UGT2A2: variants seen among roughly 807,000 people sequenced by gnomAD.
The protein encoded by UGT2A2 is UDP glucuronosyltransferase family 2 member A2, also known as UDP-glucuronosyltransferase 2A2.
UGT2A2 carries 60 observed loss-of-function variants against 50.7 expected under a neutral mutation model. The observed-to-expected ratio is 1.18, with a 90% confidence interval of 0.96 to 1.47. UGT2A2 has a LOEUF of 1.47. Ranked by LOEUF, UGT2A2 falls within the 40% of genes most tolerant of loss-of-function variation. The pLI is 0.00. For synonymous variants in UGT2A2, 242 were observed against 214.6 expected, an observed-to-expected ratio of 1.13 and a Z score of -1.11; for missense variants, 762 against 634.0, an observed-to-expected ratio of 1.20 and a Z score of -2.17.
At chr4:69,602,279 A>G (rs1463739188) in intron 1 of UGT2A2, among the ~76,000 whole-genome samples, 2 of 137,154 alleles carry the variant, frequency 1.5e-5, no homozygotes, top group African/African-American at 5.9e-5. Flanking sequence ...ATTTCTTTAC[A>G]CCAACAAAGG....
intron 1 of UGT2A2, among the ~76,000 whole-genome samples, chr4:69,604,871 C>A (rs1719511563): frequency 7.3e-6 from 1 of 136,994 alleles, no homozygotes; most frequent in African/African-American, 3.0e-5. Context: ...GAAGAGCTAG[C>A]TGTCCTAAAT....
intron 5 of UGT2A2, 135 bp from the exon 6 acceptor site, chr4:69,589,786 T>G: frequency 4.6e-6 from 6 of 1,308,576 alleles, no homozygotes; most frequent in Admixed American, 2.8e-5. Flanking sequence ...TTGCATGAAC[T>G]TTGTTAGTTG....
At chr4:69,615,773 G>A (rs375214390) in intron 1 of UGT2A2, among the ~76,000 whole-genome samples, 13 of 152,080 alleles carry the variant, frequency 8.5e-5, no homozygotes, top group African/African-American at 3.1e-4. Flanking sequence ...TGCTGGTGAG[G>A]ATATGGAAAA....
At chr4:69,609,471 C>A (rs1360360630) in intron 1 of UGT2A2, among the ~76,000 whole-genome samples, 1 of 152,094 alleles carries the variant, frequency 6.6e-6, no homozygotes, top group African/African-American at 2.4e-5. Flanking sequence ...GCTGGGATTA[C>A]AGGTGTAGCA....
chr4:69,606,421 C>T (rs77986248), intron 1 of UGT2A2, among the ~76,000 whole-genome samples: 24,417 of 135,206 alleles, frequency 0.18, 5,779 homozygotes, highest in Non-Finnish European at 0.22. Context: ...TGGGATGTAT[C>T]TCAAAATAAT....
chr4:69,628,490 C>T (rs1721213471), intron 1 of UGT2A2, among the ~76,000 whole-genome samples: 2 of 151,424 alleles, frequency 1.3e-5, no homozygotes, highest in South Asian at 2.1e-4. Context: ...CAAGAATATA[C>T]GATGAACAAA....
intron 1 of UGT2A2, among the ~76,000 whole-genome samples, chr4:69,634,251 CAAACA>C (rs144302533): frequency 7.3e-5 from 11 of 151,464 alleles, no homozygotes; most frequent in East Asian, 1.9e-4. Context: ...TCTCAAAAAT[CAAACA>C]AAACAAAACA....
At chr4:69,599,479 TA>T (rs1719132007) in intron 1 of UGT2A2, 85 bp from the exon 2 acceptor site, 2 of 1,565,320 alleles carry the variant, frequency 1.3e-6, no homozygotes, top group African/African-American at 2.8e-5. Flanking sequence ...AATTTCCTGA[TA>T]AGCTGTTAAG....
intron 1 of UGT2A2, among the ~76,000 whole-genome samples, chr4:69,607,218 G>GC (rs1553904403): frequency 2.0e-5 from 3 of 150,124 alleles, no homozygotes; most frequent in Non-Finnish European, 3.0e-5. Flanking sequence ...TACCAAAACA[G>GC]AGATAAAGAC....
intron 1 of UGT2A2, among the ~76,000 whole-genome samples, chr4:69,621,269 C>T (rs946316949): frequency 2.6e-5 from 4 of 151,880 alleles, no homozygotes; most frequent in African/African-American, 4.8e-5. Flanking sequence ...ATCTAATATC[C>T]AGTATTTACA....
chr4:69,623,769 A>G (rs1236554401), intron 1 of UGT2A2, among the ~76,000 whole-genome samples: 2 of 151,494 alleles, frequency 1.3e-5, no homozygotes, highest in African/African-American at 2.4e-5. Flanking sequence ...TAATTTAAAT[A>G]AAACCTTTGA....
intron 1 of UGT2A2, among the ~76,000 whole-genome samples, chr4:69,614,494 CA>C (rs796069861): frequency 3.4e-4 from 51 of 151,904 alleles, no homozygotes; most frequent in African/African-American, 1.2e-3. Flanking sequence ...TATGGAACCA[CA>C]AAAGACCAGA....
chr4:69,601,396 T>C (rs1719286288), intron 1 of UGT2A2, among the ~76,000 whole-genome samples: 1 of 151,920 alleles, frequency 6.6e-6, no homozygotes, highest in South Asian at 2.1e-4. Flanking sequence ...CCCCCCGGAG[T>C]ACTACTCCTG....
At chr4:69,594,770 CA>C (rs2109880755) in intron 4 of UGT2A2, 74 bp from the exon 5 acceptor site, 2 of 1,494,498 alleles carry the variant, frequency 1.3e-6, no homozygotes, top group Non-Finnish European at 1.8e-6. Flanking sequence ...CAGAAGGGGT[CA>C]AAAAGCTGTA....
intron 1 of UGT2A2, among the ~76,000 whole-genome samples, chr4:69,623,197 A>G (rs979520225): frequency 7.2e-5 from 11 of 151,824 alleles, no homozygotes; most frequent in African/African-American, 2.7e-4. Context: ...ATTCATCAAA[A>G]ATGAAAATCG....
intron 1 of UGT2A2, among the ~76,000 whole-genome samples, chr4:69,622,782 A>G (rs1720825471): frequency 6.6e-6 from 1 of 151,758 alleles, no homozygotes; most frequent in African/African-American, 2.4e-5. Flanking sequence ...TAGGGTCAAC[A>G]GGAATATAGA....
chr4:69,594,344 A>G, intron 5 of UGT2A2, 133 bp downstream of exon 5: 2 of 1,228,200 alleles, frequency 1.6e-6, no homozygotes, highest in Non-Finnish European at 2.2e-6. Flanking sequence ...TGGCAAATAA[A>G]ATAGTTTTTA....
chr4:69,639,245 T>C lies in UGT2A2; in HGVS notation c.396A>G (p.Ile132Met). 3.7e-6 allele frequency: 6 copies of C among 1,613,652 alleles called. No homozygotes were observed. The highest frequency in any genetic ancestry group is 5.1e-6 in the Non-Finnish European group (6 of 1,179,736). The change falls in exon 1 of 6, where the codon ATA (isoleucine) becomes ATG (methionine). Residue 132 changes from isoleucine to methionine, a missense_variant. By Grantham distance (10) the Ile-to-Met change is conservative. Coordinates refer to ENST00000604629, the MANE Select transcript of UGT2A2 (RefSeq NM_001105677.2). The stretch of plus-strand genomic sequence containing the variant: ...TCTTTAGTACACCATCACAGAGTTG[T>C]ATGTTAATTTGAAAGAAAGTGTCTA... ...KLLDTFFQINIQLCDGVLKNP... is the reference protein window; with the variant it reads ...KLLDTFFQINMQLCDGVLKNP...
intron 1 of UGT2A2, among the ~76,000 whole-genome samples, chr4:69,613,169 CATA>C (rs1409949966): frequency 1.3e-5 from 2 of 151,796 alleles, no homozygotes; most frequent in East Asian, 3.9e-4. Flanking sequence ...GAATCAAAAT[CATA>C]ATGATATATA....
Sources: gnomAD v4.1 joint callset for allele counts (sites outside exome capture counted in the v4.1 genomes callset) on GRCh38, gnomAD v4.1.1 for gene constraint, MANE v1.5 for transcripts, NCBI Gene and HGNC (gene_info 2026-07-23, HGNC 2026-07-21) for gene names.